The following GLI3 variants were observed in gnomAD, a reference collection of about 807,000 sequenced individuals.
GLI3 encodes GLI family zinc finger 3.
In GLI3, 20 loss-of-function variants were observed where a neutral mutation model predicts 100.8. The ratio of observed to expected loss-of-function variants is 0.20; its 90% confidence interval spans 0.14 to 0.29. The LOEUF (loss-of-function observed/expected upper bound fraction) is 0.29, where lower values mean the gene tolerates loss of function less well. GLI3 is among the 10% of genes least tolerant of loss of function. The probability of loss-of-function intolerance (pLI) is 1.00; values close to 1 mark genes in which losing one functional copy is unlikely to be tolerated. For synonymous variants in GLI3, 938 were observed against 860.5 expected (o/e 1.09, Z -1.58); for missense variants, 2,040 against 2,128.5 (o/e 0.96, Z 0.82).
chr7:42,157,120 A>G (rs1787020645), intron 2 of GLI3, among the ~76,000 whole-genome samples: 1 of 152,230 alleles, frequency 6.6e-6, no homozygotes, highest in Non-Finnish European at 1.5e-5. Context: ...CCCATGAGGG[A>G]CAGACAGCAA....
chr7:41,988,276 A>G (rs1194504170), intron 10 of GLI3, among the ~76,000 whole-genome samples: 1 of 152,160 alleles, frequency 6.6e-6, no homozygotes, highest in Non-Finnish European at 1.5e-5. Context: ...AGCCTGGCCA[A>G]CGTGGTGAAA....
At chr7:42,144,877 G>A (rs929565705) in intron 3 of GLI3, among the ~76,000 whole-genome samples, 18 of 152,146 alleles carry the variant, frequency 1.2e-4, no homozygotes, top group Admixed American at 2.6e-4. Flanking sequence ...TCTTTTGACC[G>A]GCTCAGCAGA....
chr7:42,066,501 C>T (rs1471211583), intron 4 of GLI3, among the ~76,000 whole-genome samples: 4 of 152,154 alleles, frequency 2.6e-5, no homozygotes, highest in African/African-American at 9.7e-5. Context: ...TGGTGCAGTG[C>T]ATCTCTGGAT....
chr7:42,205,889 C>G (rs1322871415), intron 2 of GLI3, among the ~76,000 whole-genome samples: 1 of 152,054 alleles, frequency 6.6e-6, no homozygotes, highest in Non-Finnish European at 1.5e-5. Context: ...TGTGAGAATG[C>G]CACAGAAAAA....
At chr7:42,129,944 A>T (rs149089786) in intron 3 of GLI3, among the ~76,000 whole-genome samples, 144 of 152,160 alleles carry the variant, frequency 9.5e-4, no homozygotes, top group Admixed American at 1.7e-3. Context: ...AAATTTTATG[A>T]CTCTTTTTCA....
At chr7:42,180,650 G>A (rs2128681617) in intron 2 of GLI3, among the ~76,000 whole-genome samples, 1 of 152,288 alleles carries the variant, frequency 6.6e-6, no homozygotes, top group Admixed American at 6.5e-5. Context: ...GCTCATCTGT[G>A]GGAGGCAGTG....
intron 2 of GLI3, among the ~76,000 whole-genome samples, chr7:42,169,995 C>T (rs952858434): frequency 2.6e-5 from 4 of 151,580 alleles, no homozygotes; most frequent in Admixed American, 6.6e-5. Flanking sequence ...CAGTGGCTCA[C>T]GCCTGTAATC....
Position 41,964,865 on chromosome 7 carries a change from G to T in GLI3, c.4208C>A (p.Ala1403Asp), listed in dbSNP as rs1479484705. 1.2e-6 allele frequency: 2 copies of T among 1,613,792 alleles called. No individual in the cohort carries two copies. Among genetic ancestry groups the T allele is most frequent in the Non-Finnish European group, 1.7e-6 (2 of 1,180,040 alleles). ...RRQAMPRDSL[A>D]LQSGQLSDTS... ...GTCACTGAGCTGTCCTGACTGCAGA[G>T]CAAGGCTGTCCCTCGGCATAGCCTG... The change falls in exon 15 of 15, where the codon GCT becomes GAT. Residue 1403 changes from alanine to aspartate, a missense_variant. Ala to Asp is a moderately radical substitution (Grantham distance 126). Around this residue, in one of 5 missense-constraint regions of GLI3, gnomAD observed 1,041 missense variants for 924.0 expected, o/e 1.13. Transcript: ENST00000395925.
rs60674490 is a variant in GLI3, at chr7:42,063,062, A to G, written c.473+13690T>C. On this transcript the variant is annotated intron_variant, in intron 4 of 14. Coordinates refer to ENST00000395925, the MANE Select transcript of GLI3 (RefSeq NM_000168.6). Reference sequence around the variant, plus strand: ...TCTGCACAAATACACCAGCATAACCATCACACAACACATGCTTGCCTCCTT... The same window carrying G: ...TCTGCACAAATACACCAGCATAACCGTCACACAACACATGCTTGCCTCCTT... 5.9e-3 allele frequency among the ~76,000 whole-genome samples: 904 copies of G among 152,246 alleles called. 4 individuals carry two copies. The highest frequency in any genetic ancestry group is 0.021 in the African/African-American group (857 of 41,552).
chr7:42,140,218 C>G (rs1057428774), intron 3 of GLI3, among the ~76,000 whole-genome samples: 11 of 152,210 alleles, frequency 7.2e-5, no homozygotes, highest in African/African-American at 2.7e-4. Flanking sequence ...ACTCCTCACT[C>G]TCTCTCCCCT....
chr7:42,036,451 T>C (rs1273640622), intron 7 of GLI3, among the ~76,000 whole-genome samples: 1 of 152,216 alleles, frequency 6.6e-6, no homozygotes, highest in Non-Finnish European at 1.5e-5. Flanking sequence ...ACACAGTGAT[T>C]GGCTTTTTGG....
chr7:42,092,877 G>C (rs1433204483), intron 3 of GLI3, among the ~76,000 whole-genome samples: 1 of 151,848 alleles, frequency 6.6e-6, no homozygotes. Context: ...GCAGTGGTGC[G>C]ATCTCAGCTC....
At chr7:42,137,193 T>C (rs1166560758) in intron 3 of GLI3, among the ~76,000 whole-genome samples, 1 of 152,206 alleles carries the variant, frequency 6.6e-6, no homozygotes, top group Admixed American at 6.5e-5. Flanking sequence ...GCTTACTTTC[T>C]GCTGGCTATC....
At chr7:41,984,955 C>T (rs947461983) in intron 10 of GLI3, among the ~76,000 whole-genome samples, 2 of 152,248 alleles carry the variant, frequency 1.3e-5, no homozygotes, top group Non-Finnish European at 2.9e-5. Context: ...TGTGCACACA[C>T]AGGTGGTGTT....
chr7:41,980,198 TG>T (rs1275415615), intron 10 of GLI3, among the ~76,000 whole-genome samples: 1 of 152,156 alleles, frequency 6.6e-6, no homozygotes, highest in Non-Finnish European at 1.5e-5. Context: ...ACACAGAAAC[TG>T]CAGTGGTTGG....
chr7:42,106,543 C>T (rs1359944641), intron 3 of GLI3, among the ~76,000 whole-genome samples: 1 of 152,200 alleles, frequency 6.6e-6, no homozygotes, highest in Non-Finnish European at 1.5e-5. Context: ...TGTTTTGCTG[C>T]TGGACAGAAG....
At chr7:42,206,600 T>C (rs963558340) in intron 2 of GLI3, among the ~76,000 whole-genome samples, 3 of 152,084 alleles carry the variant, frequency 2.0e-5, no homozygotes, top group Non-Finnish European at 4.4e-5. Flanking sequence ...ACAAAGGTGT[T>C]CCTCAAGTTC....
intron 6 of GLI3, among the ~76,000 whole-genome samples, chr7:42,042,627 CA>C (rs1395802843): frequency 1.3e-5 from 2 of 152,140 alleles, no homozygotes; most frequent in South Asian, 2.1e-4. Context: ...AATTGTGATG[CA>C]AAAGGAAGAA....
rs368477881 is a variant in GLI3 at position 42,223,832 on chromosome 7, TAA to T, written c.-42-539_-42-538del. 1.4e-4 allele frequency among the ~76,000 whole-genome samples: 21 copies of T among 152,380 alleles called. 1 individual carries two copies. In the East Asian group the frequency reaches 4.0e-3, roughly 29 times the overall value. On this transcript the variant is annotated intron_variant, in intron 1 of 14. Transcript: ENST00000395925. ...TAGTCAGTGATTTTTGCCTCTTTCA[TAA>T]AGATATCTGAATTGCAATATACCTC...
Sources: allele counts gnomAD v4.1 joint callset (sites outside exome capture counted in the v4.1 genomes callset), GRCh38; gene constraint gnomAD v4.1.1; regional missense constraint gnomAD v4.1.1; transcripts MANE v1.5; gene names NCBI Gene and HGNC (gene_info 2026-07-23, HGNC 2026-07-21).